The following SEMA3E variants were observed in gnomAD, a reference collection of about 807,000 sequenced individuals.
SEMA3E encodes semaphorin 3E.
SEMA3E carries 49 observed loss-of-function variants against 93.6 expected under a neutral mutation model. The observed-to-expected ratio is 0.52, with a 90% CI of 0.42 to 0.66. SEMA3E has a LOEUF of 0.66. Among genes scored for constraint, SEMA3E ranks in the 30% least tolerant of loss-of-function variants. The probability of loss-of-function intolerance (pLI) is 0.00; values close to 1 mark genes in which losing one functional copy is unlikely to be tolerated. For synonymous variants in SEMA3E, 363 were observed against 330.7 expected, an observed-to-expected ratio of 1.10 and a Z score of -1.06; for missense variants, 906 against 964.8, an observed-to-expected ratio of 0.94 and a Z score of 0.81.
intron 4 of SEMA3E, among the ~76,000 whole-genome samples, chr7:83,441,550 A>G (rs1271012132): frequency 6.6e-6 from 1 of 152,232 alleles, no homozygotes; most frequent in Non-Finnish European, 1.5e-5. Flanking sequence ...CGTTGATATG[A>G]CAATGATAGC....
intron 4 of SEMA3E, chr7:83,424,810 C>G (rs193125211): frequency 5.8e-6 from 1 of 171,650 alleles, no homozygotes; most frequent in African/African-American, 2.4e-5. Context: ...GAAAGCCAAC[C>G]GGGATGATGC....
At chr7:83,631,487 G>A (rs1186890278) in intron 1 of SEMA3E, among the ~76,000 whole-genome samples, 2 of 152,034 alleles carry the variant, frequency 1.3e-5, no homozygotes, top group Admixed American at 6.6e-5. Flanking sequence ...TAAGAATTTC[G>A]ACAATGAATG....
intron 1 of SEMA3E, among the ~76,000 whole-genome samples, chr7:83,571,603 C>A (rs1032645259): frequency 3.9e-5 from 6 of 152,082 alleles, no homozygotes; most frequent in Non-Finnish European, 8.8e-5. Context: ...TATGACAAAC[C>A]CACAGCCAAC....
chr7:83,400,735 A>G (rs1375668446), intron 10 of SEMA3E, among the ~76,000 whole-genome samples: 2 of 152,314 alleles, frequency 1.3e-5, no homozygotes, highest in African/African-American at 2.4e-5. Flanking sequence ...GTTACTATCA[A>G]GACTTTAGGG....
chr7:83,623,018 AT>A (rs1793598474), intron 1 of SEMA3E, among the ~76,000 whole-genome samples: 1 of 152,154 alleles, frequency 6.6e-6, no homozygotes, highest in Non-Finnish European at 1.5e-5. Context: ...AAAAATAAGC[AT>A]TTTAAAGTGC....
At chr7:83,533,554 GATAAAATAAAATAAA>G (rs201440310) in intron 1 of SEMA3E, among the ~76,000 whole-genome samples, 35,107 of 149,622 alleles carry the variant, frequency 0.23, 4,338 homozygotes, top group East Asian at 0.37. Flanking sequence ...AATAAAATAC[GATAAAATAAAATAAA>G]ATAAAATAAA....
At chr7:83,609,062 T>C (rs1408214549) in intron 1 of SEMA3E, among the ~76,000 whole-genome samples, 1 of 152,078 alleles carries the variant, frequency 6.6e-6, no homozygotes, top group Non-Finnish European at 1.5e-5. Flanking sequence ...TAAATAGTGT[T>C]ATATAAAGTG....
At chr7:83,412,043 T>C (rs1788448266) in intron 5 of SEMA3E, among the ~76,000 whole-genome samples, 1 of 152,132 alleles carries the variant, frequency 6.6e-6, no homozygotes, top group African/African-American at 2.4e-5. Context: ...AATCTCAAGG[T>C]CTCAGTTATC....
At chr7:83,637,404 A>G (rs1468414394) in intron 1 of SEMA3E, among the ~76,000 whole-genome samples, 1 of 152,154 alleles carries the variant, frequency 6.6e-6, no homozygotes, top group Admixed American at 6.5e-5. Flanking sequence ...TGATTTAATA[A>G]TAAGCCAAAT....
In SEMA3E at chr7:83,385,364, C is replaced by T. The variant is rs1366115920; in HGVS notation, c.1805G>A (p.Cys602Tyr). 9 of 1,613,560 alleles carry T rather than the reference C, an allele frequency of 5.6e-6. No homozygotes were observed. The highest frequency in any genetic ancestry group is 6.8e-6 in the Non-Finnish European group (8 of 1,179,646). Residue 602 changes from cysteine to tyrosine, a missense_variant, in exon 16 of 17, where the codon TGT (cysteine) becomes TAT (tyrosine). Cys to Tyr is a radical substitution (Grantham distance 194). Coordinates refer to ENST00000643230, the MANE Select transcript of SEMA3E (RefSeq NM_012431.3). ...TTTCGCTTGTAAAGATCGTGGGGTACATTCCAGCAAAGTACTGTTGTTCTC... is the reference window on the plus strand; with the variant it reads ...TTTCGCTTGTAAAGATCGTGGGGTATATTCCAGCAAAGTACTGTTGTTCTC... ...GIENNSTLLE[C>Y]TPRSLQAKVI...
At chr7:83,427,200 CT>C (rs757026243) in intron 4 of SEMA3E, among the ~76,000 whole-genome samples, 15 of 151,584 alleles carry the variant, frequency 9.9e-5, no homozygotes, top group East Asian at 3.9e-4. Flanking sequence ...TCCTTTCCTT[CT>C]TTTTTTCTTT....
At chr7:83,557,435 C>T (rs1192003075) in intron 1 of SEMA3E, among the ~76,000 whole-genome samples, 3 of 151,756 alleles carry the variant, frequency 2.0e-5, no homozygotes, top group African/African-American at 7.3e-5. Flanking sequence ...AATCAATGCT[C>T]TTATTATGGT....
intron 13 of SEMA3E, among the ~76,000 whole-genome samples, chr7:83,393,388 G>T (rs1335709824): frequency 6.6e-6 from 1 of 152,022 alleles, no homozygotes; most frequent in Non-Finnish European, 1.5e-5. Flanking sequence ...ACAAAAATTA[G>T]CTGGTAATAT....
intron 1 of SEMA3E, among the ~76,000 whole-genome samples, chr7:83,611,354 G>A (rs1190314179): frequency 3.6e-5 from 5 of 139,430 alleles, no homozygotes; most frequent in Non-Finnish European, 6.1e-5. Flanking sequence ...TATAATATAT[G>A]TGTAAATTTA....
At chr7:83,551,211 A>G (rs1243577122) in intron 1 of SEMA3E, among the ~76,000 whole-genome samples, 1 of 151,926 alleles carries the variant, frequency 6.6e-6, no homozygotes, top group Non-Finnish European at 1.5e-5. Flanking sequence ...TCTAATACCA[A>G]AAAAAATACT....
chr7:83,521,180 T>G (rs1239083486), intron 1 of SEMA3E, among the ~76,000 whole-genome samples: 1 of 152,092 alleles, frequency 6.6e-6, no homozygotes, highest in Non-Finnish European at 1.5e-5. Context: ...ATAAGAATTT[T>G]CTTTTCAAAT....
chr7:83,637,563 T>A (rs1002084932), intron 1 of SEMA3E, among the ~76,000 whole-genome samples: 2 of 152,078 alleles, frequency 1.3e-5, no homozygotes, highest in Non-Finnish European at 2.9e-5. Flanking sequence ...GAAGGCAGTT[T>A]CCCCCATGCT....
Position 83,629,651 on chromosome 7 carries a change from A to G in SEMA3E, c.115+18777T>C, listed in dbSNP as rs567598371. ...GCAGACGCCCCTCCCCCCAAGCTTG[A>G]GTGTCCCAGGTCACCTTCAGACTGC... is the stretch of plus-strand genomic sequence containing the variant. On this transcript the variant is annotated intron_variant, in intron 1 of 16. Coordinates refer to ENST00000643230, the MANE Select transcript of SEMA3E (RefSeq NM_012431.3). 6.6e-5 allele frequency among the ~76,000 whole-genome samples: 10 copies of G among 152,160 alleles called. No homozygotes were observed. The South Asian group carries it at 1.9e-3, about 28-fold the overall frequency.
At chr7:83,564,645 T>C (rs1307829169) in intron 1 of SEMA3E, among the ~76,000 whole-genome samples, 2 of 152,194 alleles carry the variant, frequency 1.3e-5, no homozygotes, top group African/African-American at 4.8e-5. Flanking sequence ...TTTCTCCCAA[T>C]TAGCTGTCAG....
Sources: gnomAD v4.1 joint callset for allele counts (sites outside exome capture counted in the v4.1 genomes callset) on GRCh38, gnomAD v4.1.1 for gene constraint, MANE v1.5 for transcripts, NCBI Gene and HGNC (gene_info 2026-07-23, HGNC 2026-07-21) for gene names.